The following SLC14A2 variants were observed in gnomAD, a reference collection of about 807,000 sequenced individuals.
The protein encoded by SLC14A2 is urea transporter 2.
SLC14A2 carries 91 observed loss-of-function variants against 104.6 expected under a neutral mutation model. The ratio of observed to expected loss-of-function variants is 0.87; its 90% CI spans 0.73 to 1.04. The LOEUF (loss-of-function observed/expected upper bound fraction) is 1.04. SLC14A2 is among the 50% of genes least tolerant of loss of function. SLC14A2 has a pLI of 0.00. For missense variants in SLC14A2, 1,189 were observed against 1,156.0 expected (o/e 1.03, Z -0.41); for synonymous variants, 476 against 466.4 (o/e 1.02, Z -0.27).
At chr18:45,546,783 A>T (rs371231433) in intron 2 of SLC14A2, among the ~76,000 whole-genome samples, 14 of 152,192 alleles carry the variant, frequency 9.2e-5, no homozygotes, top group African/African-American at 2.9e-4. Context: ...TGCAGAAAAA[A>T]ATATATATAC....
At chr18:45,314,180 GAT>G (rs1229644669) in intron 1 of SLC14A2, among the ~76,000 whole-genome samples, 1 of 152,188 alleles carries the variant, frequency 6.6e-6, no homozygotes, top group Non-Finnish European at 1.5e-5. Flanking sequence ...TCTTGCCCTT[GAT>G]CATGAGGGTG....
At chr18:45,615,859 GGGAGA>G (rs2045061935) in intron 1 of SLC14A2, among the ~76,000 whole-genome samples, 3 of 151,672 alleles carry the variant, frequency 2.0e-5, no homozygotes, top group African/African-American at 7.3e-5. Context: ...GAGAGAGAGA[GGGAGA>G]GAGAGAGACT....
At chr18:45,338,696 A>AAACAAAAC (rs1288234516) in intron 1 of SLC14A2, among the ~76,000 whole-genome samples, 1 of 116,326 alleles carries the variant, frequency 8.6e-6, no homozygotes, top group African/African-American at 2.9e-5. Context: ...AAAAAAAAAA[A>AAACAAAAC]AAAAAAAAAA....
chr18:45,483,823 C>G (rs2087542699), intron 2 of SLC14A2, among the ~76,000 whole-genome samples: 1 of 152,130 alleles, frequency 6.6e-6, no homozygotes. Flanking sequence ...ACTGTTTTGC[C>G]AGGCATCGAT....
intron 4 of SLC14A2, among the ~76,000 whole-genome samples, 181 bp downstream of exon 4, chr18:45,627,328 G>C (rs2045275844): frequency 6.6e-6 from 1 of 152,220 alleles, no homozygotes; most frequent in African/African-American, 2.4e-5. Flanking sequence ...GCATGTGACA[G>C]TGTCAACATT....
chr18:45,481,811 G>A (rs1234224160), intron 1 of SLC14A2, among the ~76,000 whole-genome samples: 1 of 152,176 alleles, frequency 6.6e-6, no homozygotes, highest in Non-Finnish European at 1.5e-5. Context: ...TCCATTGAAA[G>A]ATAAGAATAA....
chr18:45,223,433 A>G (rs952670173), intron 1 of SLC14A2, among the ~76,000 whole-genome samples: 2 of 152,174 alleles, frequency 1.3e-5, no homozygotes, highest in African/African-American at 4.8e-5. Flanking sequence ...CAAGGGAAAA[A>G]AATTTATTAC....
the SLC14A2 span, among the ~76,000 whole-genome samples, chr18:45,193,793 G>C: frequency 1.3e-5 from 2 of 152,136 alleles, no homozygotes; most frequent in African/African-American, 2.4e-5. Flanking sequence ...ATTCTAGAGA[G>C]TAATCTGAGG....
chr18:45,411,706 G>A (rs1468787411), intron 1 of SLC14A2, among the ~76,000 whole-genome samples: 1 of 152,140 alleles, frequency 6.6e-6, no homozygotes, highest in African/African-American at 2.4e-5. Flanking sequence ...AGGCCACTGA[G>A]GACCACTCAG....
chr18:45,331,551 C>T (rs977933326), intron 1 of SLC14A2, among the ~76,000 whole-genome samples: 8 of 151,836 alleles, frequency 5.3e-5, no homozygotes, highest in Non-Finnish European at 1.2e-4. Flanking sequence ...ATTAGCCGGG[C>T]GTGGTGGCGG....
chr18:45,264,187 A>C (rs1048599383), intron 1 of SLC14A2, among the ~76,000 whole-genome samples: 1 of 152,176 alleles, frequency 6.6e-6, no homozygotes, highest in Non-Finnish European at 1.5e-5. Flanking sequence ...ATTCTAACCC[A>C]ATACCACAGA....
chr18:45,220,426 T>A (rs1417312216), intron 1 of SLC14A2, among the ~76,000 whole-genome samples: 1 of 152,216 alleles, frequency 6.6e-6, no homozygotes, highest in East Asian at 1.9e-4. Context: ...TGGATTCTTT[T>A]AAGGGGAAAA....
chr18:45,441,040 T>C (rs1257656427), intron 1 of SLC14A2, among the ~76,000 whole-genome samples: 1 of 152,176 alleles, frequency 6.6e-6, no homozygotes, highest in Non-Finnish European at 1.5e-5. Flanking sequence ...GCCCAATCTC[T>C]GGAGCTGAAC....
In SLC14A2 at chr18:45,675,709, ATTTTT is replaced by A. The variant is rs71177687; in HGVS notation, c.2512+1908_2512+1912del. 7.3e-3 allele frequency among the ~76,000 whole-genome samples: 570 copies of A among 78,394 alleles called. 4 individuals carry two copies. Among genetic ancestry groups the A allele is most frequent in the South Asian group, 0.019 (39 of 2,070 alleles). The allele number at this position is 78,394 out of a possible 152,430, so 51.4% of individuals were successfully genotyped here. On this transcript the variant is annotated intron_variant, in intron 18 of 19. Transcript: ENST00000255226. ...TCTATATATATATATATATATATAT[ATTTTT>A]TTTTTTTTTTTTTTTGGAGAGACAG...
intron 2 of SLC14A2, among the ~76,000 whole-genome samples, chr18:45,582,112 T>C (rs2044501701): frequency 6.6e-6 from 1 of 152,194 alleles, no homozygotes; most frequent in Non-Finnish European, 1.5e-5. Flanking sequence ...CATGACATCA[T>C]TCAGCTCAGA....
chr18:45,300,617 T>C (rs1023825942), intron 1 of SLC14A2, among the ~76,000 whole-genome samples: 2 of 152,274 alleles, frequency 1.3e-5, no homozygotes, highest in African/African-American at 2.4e-5. Context: ...CACTTTTTTT[T>C]CCATAAATAA....
chr18:45,644,175 T>C lies in SLC14A2; in HGVS notation c.1351+15T>C, dbSNP rs747508343. On this transcript the variant is annotated intron_variant, in intron 10 of 19. Coordinates refer to ENST00000255226, the MANE Select transcript of SLC14A2 (RefSeq NM_007163.4). ...GGCCCCCAGCGGTGAATAGCCATGT[T>C]CGGGGAAGAAACGCTCTTTGCCTGA... 2 of 1,613,592 alleles carry C rather than the reference T, an allele frequency of 1.2e-6. No individual in the cohort carries two copies. The highest frequency in any genetic ancestry group is 2.2e-5 in the East Asian group (1 of 44,892).
chr18:45,388,245 G>A (rs2085922627), intron 1 of SLC14A2, among the ~76,000 whole-genome samples: 1 of 151,692 alleles, frequency 6.6e-6, no homozygotes, highest in Admixed American at 6.6e-5. Context: ...TGTATTTTTA[G>A]TAGAGATGGG....
intron 10 of SLC14A2, among the ~76,000 whole-genome samples, chr18:45,651,315 G>A (rs2045732537): frequency 6.6e-6 from 1 of 152,174 alleles, no homozygotes; most frequent in Non-Finnish European, 1.5e-5. Flanking sequence ...CAAGCTGGAT[G>A]GATGAGGGTC....
Sources: allele counts gnomAD v4.1 joint callset (sites outside exome capture counted in the v4.1 genomes callset), GRCh38; gene constraint gnomAD v4.1.1; transcripts MANE v1.5; gene names NCBI Gene and HGNC (gene_info 2026-07-23, HGNC 2026-07-21).